The following ENPP2 variants were observed in gnomAD, a reference collection of about 807,000 sequenced individuals.
The protein encoded by ENPP2 is autotaxin.
In ENPP2, 51 loss-of-function variants were observed where a neutral mutation model predicts 120.2. The ratio of observed to expected loss-of-function variants is 0.42; its 90% CI spans 0.34 to 0.54. The LOEUF (loss-of-function observed/expected upper bound fraction) is 0.54, where lower values mean the gene tolerates loss of function less well. Among genes scored for constraint, ENPP2 ranks in the 20% least tolerant of loss-of-function variants. The pLI, the probability that ENPP2 is intolerant of heterozygous loss-of-function variation, is 0.04. For synonymous variants in ENPP2, 365 were observed against 366.4 expected (o/e 1.00, Z 0.04); for missense variants, 920 against 1,066.5 (o/e 0.86, Z 1.91).
At chr8:119,590,776 T>G (rs1813440167) in intron 12 of ENPP2, 146 bp from the exon 13 acceptor site, 2 of 513,348 alleles carry the variant, frequency 3.9e-6, no homozygotes, top group Non-Finnish European at 6.6e-6. Context: ...TTTTTGTATT[T>G]GACTTTAAAT....
At chr8:119,559,988 G>T (rs1037291851) in intron 24 of ENPP2, among the ~76,000 whole-genome samples, 2 of 152,108 alleles carry the variant, frequency 1.3e-5, no homozygotes, top group African/African-American at 4.8e-5. Flanking sequence ...GTAGGGAGAG[G>T]AAAACCTGTA....
At chr8:119,668,467 T>C (rs1318472578) in intron 1 of ENPP2, among the ~76,000 whole-genome samples, 1 of 149,188 alleles carries the variant, frequency 6.7e-6, no homozygotes, top group Non-Finnish European at 1.5e-5. Flanking sequence ...TCTCACTCTG[T>C]TGCCCAGGCT....
chr8:119,588,052 T>G (rs1813236657), intron 13 of ENPP2, among the ~76,000 whole-genome samples: 1 of 152,190 alleles, frequency 6.6e-6, no homozygotes, highest in Non-Finnish European at 1.5e-5. Context: ...TGAATAAACT[T>G]GCCTTGGGAT....
chr8:119,595,712 C>A (rs908907060), intron 11 of ENPP2: 9 of 774,166 alleles, frequency 1.2e-5, no homozygotes, highest in Non-Finnish European at 2.0e-5. Context: ...CCACATTCTT[C>A]TGGACTCAAA....
rs773360003 is a variant in ENPP2, at chr8:119,619,292, C to T, written c.431G>A (p.Trp144Ter). 1 of 1,610,658 alleles carries T rather than the reference C, an allele frequency of 6.2e-7. No individual in the cohort carries two copies. The highest frequency in any genetic ancestry group is 1.1e-5 in the South Asian group (1 of 90,942). The stretch of plus-strand genomic sequence containing the variant: ...TATTTCCTCACAGTCATCATCAACC[C>T]AATGCGACTCTCCTATAAGGAAAAA... ...YQVVCKGESH[W>*]VDDDCEEIKA... Residue 144 changes from tryptophan to a stop codon, truncating the protein, a stop_gained, in exon 5 of 25, where the codon TGG (tryptophan) becomes TAG (stop). Coordinates refer to ENST00000075322, the MANE Select transcript of ENPP2 (RefSeq NM_001040092.3). LOFTEE classifies it high-confidence loss of function.
chr8:119,598,165 A>T (rs1013849276), intron 11 of ENPP2, among the ~76,000 whole-genome samples: 7 of 152,326 alleles, frequency 4.6e-5, no homozygotes, highest in African/African-American at 1.7e-4. Flanking sequence ...TTAAAAGCAT[A>T]AACTATTTTG....
At chr8:119,635,005 A>C (rs1173061231) in intron 2 of ENPP2, among the ~76,000 whole-genome samples, 1 of 152,220 alleles carries the variant, frequency 6.6e-6, no homozygotes, top group Non-Finnish European at 1.5e-5. Context: ...ATAAAGCCCC[A>C]TGACAGGATA....
rs550766433 is a variant in ENPP2 at position 119,568,552 on chromosome 8, T to A, written c.2054-300A>T. On this transcript the variant is annotated intron_variant, in intron 21 of 24. Coordinates refer to ENST00000075322, the MANE Select transcript of ENPP2 (RefSeq NM_001040092.3). ...TAACTCCTTGATTTCATCAGTGCCA[T>A]TTAGACTTAAAAAAAAATCATCAAG... is the stretch of plus-strand genomic sequence containing the variant. Among the ~76,000 whole-genome samples, 11 of 152,112 alleles carry A rather than the reference T, an allele frequency of 7.2e-5. No homozygotes were observed. The South Asian group carries it at 2.3e-3, about 32-fold the overall frequency.
chr8:119,565,197 A>C (rs561079432), intron 22 of ENPP2, among the ~76,000 whole-genome samples: 8 of 152,266 alleles, frequency 5.3e-5, no homozygotes, highest in Non-Finnish European at 1.2e-4. Flanking sequence ...GTAGTTCAAA[A>C]GTCAGGAAAG....
At chr8:119,600,006 CA>C (rs58150510) in intron 11 of ENPP2, among the ~76,000 whole-genome samples, 15,096 of 69,002 alleles carry the variant, frequency 0.22, 1,029 homozygotes, top group African/African-American at 0.37. Flanking sequence ...GACTCTGTCT[CA>C]AAAAAAAAAA....
At chr8:119,667,742 T>A (rs1218099187) in intron 1 of ENPP2, among the ~76,000 whole-genome samples, 1 of 152,234 alleles carries the variant, frequency 6.6e-6, no homozygotes, top group Non-Finnish European at 1.5e-5. Context: ...TTGTTCATAC[T>A]GCAGCCAGAT....
chr8:119,616,641 A>T (rs1815477607), intron 7 of ENPP2, among the ~76,000 whole-genome samples: 1 of 152,180 alleles, frequency 6.6e-6, no homozygotes, highest in Admixed American at 6.5e-5. Flanking sequence ...GCTGTAATTT[A>T]AGAAGATGAC....
intron 11 of ENPP2, among the ~76,000 whole-genome samples, chr8:119,597,525 G>C (rs1316838499): frequency 6.6e-6 from 1 of 152,124 alleles, no homozygotes; most frequent in Non-Finnish European, 1.5e-5. Flanking sequence ...CCATACTTTA[G>C]CCTGAATTTA....
chr8:119,639,824 T>C (rs1249640911), upstream of ENPP2, among the ~76,000 whole-genome samples: 1 of 152,228 alleles, frequency 6.6e-6, no homozygotes, highest in African/African-American at 2.4e-5. Flanking sequence ...ACTAAGCAAT[T>C]TGGCAACCAG....
In ENPP2 at chr8:119,593,875, C is replaced by A; in HGVS notation, c.973-15G>T. 3 of 1,383,236 alleles carry A rather than the reference C, an allele frequency of 2.2e-6. No homozygotes were observed. Among genetic ancestry groups the A allele is most frequent in the Non-Finnish European group, 3.1e-6 (3 of 969,238 alleles). The allele number at this position is 1,383,236 out of a possible 1,614,324, so 85.7% of individuals were successfully genotyped here. Reference sequence around the variant, plus strand: ...GGATTTGTCATCTAGGAAAAAGAAGCAAGTTAGTCCCCACAGGGTTTTCTT... The same window carrying A: ...GGATTTGTCATCTAGGAAAAAGAAGAAAGTTAGTCCCCACAGGGTTTTCTT... On this transcript the variant is annotated splice_polypyrimidine_tract_variant and intron_variant, in intron 11 of 24. Coordinates refer to ENST00000075322, the MANE Select transcript of ENPP2 (RefSeq NM_001040092.3).
At chr8:119,564,040 A>G (rs987001004) in intron 23 of ENPP2, among the ~76,000 whole-genome samples, 1 of 151,568 alleles carries the variant, frequency 6.6e-6, no homozygotes, top group East Asian at 2.0e-4. Flanking sequence ...ATCACTCTAA[A>G]TCTTGCTTTC....
At chr8:119,669,853 C>T (rs538652742) in intron 1 of ENPP2, among the ~76,000 whole-genome samples, 1 of 152,322 alleles carries the variant, frequency 6.6e-6, no homozygotes, top group African/African-American at 2.4e-5. Flanking sequence ...CATCATTCAC[C>T]TTTCTGTCTG....
chr8:119,564,617 G>T (rs1814246780), intron 23 of ENPP2, among the ~76,000 whole-genome samples: 1 of 152,000 alleles, frequency 6.6e-6, no homozygotes, highest in Non-Finnish European at 1.5e-5. Context: ...GGCGGAGGTT[G>T]CAGTGAGCCG....
chr8:119,580,297 A>G, intron 18 of ENPP2, 130 bp from the exon 19 acceptor site: 1 of 742,416 alleles, frequency 1.3e-6, no homozygotes. Flanking sequence ...TATATCATAC[A>G]TTCTTTCGAG....
Sources: allele counts gnomAD v4.1 joint callset (sites outside exome capture counted in the v4.1 genomes callset), GRCh38; gene constraint gnomAD v4.1.1; transcripts MANE v1.5; gene names NCBI Gene and HGNC (gene_info 2026-07-23, HGNC 2026-07-21).